The following DPP10 variants were observed in gnomAD, a reference collection of about 807,000 sequenced individuals.
The protein encoded by DPP10 is dipeptidyl peptidase like 10, also known as inactive dipeptidyl peptidase 10.
A neutral mutation model predicts 120.9 loss-of-function variants in DPP10; 33 were observed. The observed-to-expected ratio is 0.27, with a 90% CI of 0.21 to 0.37. The LOEUF is 0.37. DPP10 is among the 10% of genes least tolerant of loss of function. The pLI is 1.00. For synonymous variants in DPP10, 337 were observed against 326.1 expected, an observed-to-expected ratio of 1.03 and a Z score of -0.36; for missense variants, 816 against 942.8, an observed-to-expected ratio of 0.87 and a Z score of 1.76.
In DPP10 at chr2:115,643,521, T is replaced by C. The variant is rs780010392; in HGVS notation, c.442-46166T>C. ...AAAGAGGAGCCCACGATATAATAGA[T>C]TAAAACAAAAGGTTAGGTGTCTAAC... On this transcript the variant is annotated intron_variant, in intron 5 of 25. Coordinates refer to ENST00000410059, the MANE Select transcript of DPP10 (RefSeq NM_020868.6). 9.8e-4 allele frequency among the ~76,000 whole-genome samples: 149 copies of C among 152,094 alleles called. 1 individual carries two copies. Among genetic ancestry groups the C allele is most frequent in the Admixed American group, 3.9e-4 (6 of 15,262 alleles).
intron 1 of DPP10, among the ~76,000 whole-genome samples, chr2:114,740,071 A>G (rs1018984597): frequency 4.0e-5 from 6 of 151,616 alleles, no homozygotes; most frequent in East Asian, 1.9e-4. Flanking sequence ...TGTTTATTGC[A>G]GCACTATTCA....
chr2:114,525,651 T>C (rs1014976953), intron 1 of DPP10, among the ~76,000 whole-genome samples: 5 of 152,222 alleles, frequency 3.3e-5, no homozygotes, highest in Admixed American at 2.6e-4. Flanking sequence ...TTTGATTTTA[T>C]CACTTACTGT....
chr2:115,402,094 A>G lies in DPP10; in HGVS notation c.271+58182A>G, dbSNP rs965847994. ...TTCCCTTGGACCCTTGGACTTCAGGACAAAGAAAAATGGAAATCAAATATT... is the reference window on the plus strand; with the variant it reads ...TTCCCTTGGACCCTTGGACTTCAGGGCAAAGAAAAATGGAAATCAAATATT... On this transcript the variant is annotated intron_variant, in intron 3 of 25. Transcript: ENST00000410059. Among the ~76,000 whole-genome samples, 3 of 152,284 alleles carry G rather than the reference A, an allele frequency of 2.0e-5. No homozygotes were observed. In the South Asian group the frequency reaches 6.2e-4, roughly 32 times the overall value.
At chr2:114,806,664 C>G (rs7574948) in intron 1 of DPP10, among the ~76,000 whole-genome samples, 3 of 152,060 alleles carry the variant, frequency 2.0e-5, no homozygotes, top group Non-Finnish European at 2.9e-5. Context: ...TTAATTTTAC[C>G]TATTTCCTAA....
chr2:115,365,278 A>G (rs1457160843), intron 3 of DPP10, among the ~76,000 whole-genome samples: 2 of 152,024 alleles, frequency 1.3e-5, no homozygotes, highest in Non-Finnish European at 2.9e-5. Context: ...GTGTTGCCCA[A>G]CTACAAATCT....
chr2:115,514,881 A>C (rs968814826), intron 4 of DPP10, among the ~76,000 whole-genome samples: 1 of 151,974 alleles, frequency 6.6e-6, no homozygotes, highest in African/African-American at 2.4e-5. Flanking sequence ...TCTGTCAAAA[A>C]TCTTCTACAG....
chr2:115,139,825 ATC>A (rs2050833222), intron 1 of DPP10, among the ~76,000 whole-genome samples: 1 of 151,228 alleles, frequency 6.6e-6, no homozygotes, highest in African/African-American at 2.4e-5. Flanking sequence ...GCCTCCTCCC[ATC>A]AGTACAGTGA....
chr2:115,212,006 G>A (rs915296016), intron 1 of DPP10, among the ~76,000 whole-genome samples: 5 of 152,174 alleles, frequency 3.3e-5, no homozygotes, highest in Admixed American at 6.6e-5. Context: ...ATTATGCAAA[G>A]CAATGACCCA....
intron 1 of DPP10, among the ~76,000 whole-genome samples, chr2:115,265,620 A>G (rs990274251): frequency 6.6e-5 from 10 of 152,146 alleles, no homozygotes; most frequent in Admixed American, 2.0e-4. Flanking sequence ...GCCACTCACT[A>G]AATGAATGTC....
At chr2:115,679,850 G>A (rs1483971880) in intron 5 of DPP10, among the ~76,000 whole-genome samples, 1 of 151,916 alleles carries the variant, frequency 6.6e-6, no homozygotes, top group African/African-American at 2.4e-5. Flanking sequence ...AAATGTAGGA[G>A]TAAGAGAAGA....
chr2:115,812,838 A>G (rs1686788980), intron 19 of DPP10, among the ~76,000 whole-genome samples: 1 of 152,274 alleles, frequency 6.6e-6, no homozygotes, highest in East Asian at 1.9e-4. Flanking sequence ...CTTACTCCCA[A>G]AAAGATTTAC....
At chr2:114,787,585 A>G (rs1315351483) in intron 1 of DPP10, among the ~76,000 whole-genome samples, 1 of 152,230 alleles carries the variant, frequency 6.6e-6, no homozygotes, top group Non-Finnish European at 1.5e-5. Flanking sequence ...GCTGCTCTCT[A>G]AAGCAATGAA....
chr2:115,444,799 C>G (rs1450923061), intron 3 of DPP10, among the ~76,000 whole-genome samples: 1 of 152,284 alleles, frequency 6.6e-6, no homozygotes, highest in African/African-American at 2.4e-5. Context: ...GTCTAGATAG[C>G]TGTGTACCTA....
intron 5 of DPP10, among the ~76,000 whole-genome samples, chr2:115,686,564 T>A (rs1056928504): frequency 1.3e-5 from 2 of 152,026 alleles, no homozygotes; most frequent in Non-Finnish European, 2.9e-5. Flanking sequence ...CTATACCACT[T>A]GTAGTAGTCA....
chr2:115,021,743 G>A (rs758146468), intron 1 of DPP10, among the ~76,000 whole-genome samples: 9 of 151,838 alleles, frequency 5.9e-5, no homozygotes, highest in Non-Finnish European at 1.3e-4. Context: ...ACTGATCAAT[G>A]CAAAATCAAT....
chr2:115,323,238 G>A (rs2062158059), intron 2 of DPP10, among the ~76,000 whole-genome samples: 1 of 152,154 alleles, frequency 6.6e-6, no homozygotes, highest in African/African-American at 2.4e-5. Flanking sequence ...TGTTAGCTAG[G>A]AGTAGATTCC....
intron 3 of DPP10, among the ~76,000 whole-genome samples, chr2:115,471,282 C>G (rs1366737995): frequency 6.6e-6 from 1 of 152,142 alleles, no homozygotes; most frequent in Non-Finnish European, 1.5e-5. Context: ...GAAAAATATG[C>G]TTTTCTCTTC....
At chr2:114,460,669 T>C (rs184797024) in intron 1 of DPP10, among the ~76,000 whole-genome samples, 5 of 152,350 alleles carry the variant, frequency 3.3e-5, no homozygotes, top group African/African-American at 1.2e-4. Flanking sequence ...TGGGTCCTTC[T>C]TTACCTACTG....
At chr2:114,815,682 A>T (rs114701230) in intron 1 of DPP10, among the ~76,000 whole-genome samples, 1,734 of 152,242 alleles carry the variant, frequency 0.011, 31 homozygotes, top group African/African-American at 0.04. Flanking sequence ...CAGGGAATAC[A>T]CTGTCTTTCT....
Sources: allele counts gnomAD v4.1 joint callset (sites outside exome capture counted in the v4.1 genomes callset), GRCh38; gene constraint gnomAD v4.1.1; transcripts MANE v1.5; gene names NCBI Gene and HGNC (gene_info 2026-07-23, HGNC 2026-07-21).